PTGES3: variants seen among roughly 807,000 people sequenced by gnomAD.
PTGES3 encodes the protein Hsp90 co-chaperone.
In PTGES3, 5 loss-of-function variants were observed where a neutral mutation model predicts 29.9. The observed-to-expected ratio is 0.17, with a 90% CI of 0.09 to 0.35. The LOEUF is 0.35. Among genes scored for constraint, PTGES3 ranks in the 10% least tolerant of loss-of-function variants. The probability of loss-of-function intolerance (pLI) is 1.00; values close to 1 mark genes in which losing one functional copy is unlikely to be tolerated. For missense variants in PTGES3, 128 were observed against 190.0 expected (o/e 0.67, Z 1.92); for synonymous variants, 49 against 57.8 (o/e 0.85, Z 0.69).
intron 1 of PTGES3, among the ~76,000 whole-genome samples, chr12:56,680,083 T>TG (rs1291416708): frequency 3.3e-5 from 5 of 151,478 alleles, no homozygotes; most frequent in African/African-American, 1.2e-4. Flanking sequence ...TTTTGGTTTT[T>TG]TTTTTTTTTT....
At chr12:56,683,540 A>C (rs1952662719) in intron 1 of PTGES3, among the ~76,000 whole-genome samples, 1 of 149,210 alleles carries the variant, frequency 6.7e-6, no homozygotes, top group South Asian at 2.1e-4. Context: ...AATCCCAGCT[A>C]CTCAGGAAGC....
chr12:56,671,983 A>T, intron 3 of PTGES3, 136 bp from the exon 4 acceptor site: 1 of 496,406 alleles, frequency 2.0e-6, no homozygotes, highest in Non-Finnish European at 3.4e-6. Context: ...TTGACTACTA[A>T]AAACTTCAAA....
At chr12:56,672,039 T>A (rs546306265) in intron 3 of PTGES3, among the ~76,000 whole-genome samples, 192 bp from the exon 4 acceptor site, 101 of 151,480 alleles carry the variant, frequency 6.7e-4, no homozygotes, top group East Asian at 9.7e-4. Context: ...TAAAAAAAAA[T>A]TTTTTTTTCC....
chr12:56,674,858 G>A (rs1208406955), intron 1 of PTGES3, among the ~76,000 whole-genome samples: 6 of 63,028 alleles, frequency 9.5e-5, no homozygotes, highest in South Asian at 6.4e-4. Flanking sequence ...AAAAAAATTC[G>A]CCAGGCGTGG....
chr12:56,684,885 T>TG (rs1280603741), intron 1 of PTGES3, among the ~76,000 whole-genome samples: 3 of 152,102 alleles, frequency 2.0e-5, no homozygotes, highest in Non-Finnish European at 4.4e-5. Flanking sequence ...GAAGAGCAAA[T>TG]GAGTAAATCA....
intron 1 of PTGES3, among the ~76,000 whole-genome samples, chr12:56,683,970 A>G (rs1016950562): frequency 5.5e-5 from 8 of 145,720 alleles, no homozygotes; most frequent in Admixed American, 2.7e-4. Flanking sequence ...AAAAAAAAAA[A>G]ACAAAAAAAA....
intron 1 of PTGES3, among the ~76,000 whole-genome samples, chr12:56,685,123 A>G (rs544176674): frequency 1.3e-5 from 2 of 152,138 alleles, no homozygotes; most frequent in African/African-American, 2.4e-5. Flanking sequence ...CACTTTTAAA[A>G]CAAGTTATCA....
intron 1 of PTGES3, chr12:56,687,472 C>T: frequency 1.0e-6 from 1 of 990,296 alleles, no homozygotes; most frequent in Non-Finnish European, 1.2e-6. Context: ...GTGGGCATGG[C>T]TTCCTTCTAG....
At chr12:56,665,142 C>T in intron 6 of PTGES3, 3 of 985,248 alleles carry the variant, frequency 3.0e-6, no homozygotes, top group African/African-American at 1.7e-5. Context: ...GAACTCTAAT[C>T]CTAGCTGTTG....
chr12:56,686,756 C>T (rs1350029921), intron 1 of PTGES3: 2 of 397,146 alleles, frequency 5.0e-6, no homozygotes, highest in Non-Finnish European at 8.9e-6. Context: ...ATGCTGTGCT[C>T]TAGAAGCTTG....
At chr12:56,679,854 T>C (rs2137685298) in intron 1 of PTGES3, among the ~76,000 whole-genome samples, 1 of 152,136 alleles carries the variant, frequency 6.6e-6, no homozygotes, top group Non-Finnish European at 1.5e-5. Context: ...TTTGTATTTT[T>C]AGTAGAGACG....
intron 4 of PTGES3, 78 bp downstream of exon 4, chr12:56,671,671 C>T (rs1952012472): frequency 2.2e-6 from 2 of 893,694 alleles, no homozygotes; most frequent in Admixed American, 2.8e-5. Context: ...CAGCCATATT[C>T]CTTACATCAA....
intron 5 of PTGES3, among the ~76,000 whole-genome samples, chr12:56,669,845 C>T (rs1014670167): frequency 6.6e-6 from 1 of 150,622 alleles, no homozygotes; most frequent in African/African-American, 2.4e-5. Context: ...CTCCTGACCT[C>T]GTGATCTGCC....
intron 6 of PTGES3, 107 bp from the exon 7 acceptor site, chr12:56,664,907 G>C: frequency 6.7e-7 from 1 of 1,491,524 alleles, no homozygotes; most frequent in Middle Eastern, 1.8e-4. Flanking sequence ...AAGTAGCACA[G>C]GTAGGTAGTC....
At chr12:56,680,636 C>A (rs1368955588) in intron 1 of PTGES3, among the ~76,000 whole-genome samples, 5 of 152,140 alleles carry the variant, frequency 3.3e-5, no homozygotes, top group African/African-American at 1.2e-4. Flanking sequence ...CAGCTTCAGC[C>A]TCCCAAAGTG....
At chr12:56,676,173 C>A (rs1952234427) in intron 1 of PTGES3, among the ~76,000 whole-genome samples, 1 of 140,694 alleles carries the variant, frequency 7.1e-6, no homozygotes, top group African/African-American at 3.0e-5. Context: ...TTGCGGTAAG[C>A]CGAGATCACG....
Position 56,688,174 on chromosome 12 carries a change from T to C in PTGES3, c.-175A>G, listed in dbSNP as rs2137765636. 2.3e-5 allele frequency: 28 copies of C among 1,203,940 alleles called. No homozygotes were observed. The South Asian group carries it at 4.6e-4, about 20-fold the overall frequency. The allele number at this position is 1,203,940 out of a possible 1,614,324, so 74.6% of individuals were successfully genotyped here. A position where few individuals can be genotyped will look rare whatever the true frequency, so the allele number is the denominator to read the frequency against. On this transcript the variant is annotated 5_prime_UTR_variant, in exon 1 of 8. Transcript: ENST00000262033. Reference sequence around the variant, plus strand: ...GCGGGCTCGACCTCGGGCCCCAGAATGCACCGCGCGGAAAGAGCGGCTCCT... The same window carrying C: ...GCGGGCTCGACCTCGGGCCCCAGAACGCACCGCGCGGAAAGAGCGGCTCCT...
At chr12:56,671,896 A>C in intron 3 of PTGES3, 49 bp from the exon 4 acceptor site, 1 of 1,115,550 alleles carries the variant, frequency 9.0e-7, no homozygotes, top group Non-Finnish European at 1.3e-6. Flanking sequence ...GCATCACTAC[A>C]TGATAGAAAA....
intron 1 of PTGES3, among the ~76,000 whole-genome samples, chr12:56,682,996 G>GAA (rs530090070): frequency 7.2e-6 from 1 of 139,786 alleles, no homozygotes; most frequent in Non-Finnish European, 1.6e-5. Flanking sequence ...TCCGCCTCAA[G>GAA]AAAAAAAAAA....
Sources: gnomAD v4.1 joint callset for allele counts (sites outside exome capture counted in the v4.1 genomes callset) on GRCh38, gnomAD v4.1.1 for gene constraint, MANE v1.5 for transcripts, NCBI Gene and HGNC (gene_info 2026-07-23, HGNC 2026-07-21) for gene names.